Variants in HERC1 observed in about 807,000 individuals in gnomAD.
HERC1 encodes the protein HECT and RLD domain containing E3 ubiquitin protein ligase family member 1.
HERC1 carries 160 observed loss-of-function variants against 554.3 expected under a neutral mutation model. The ratio of observed to expected loss-of-function variants is 0.29; its 90% CI spans 0.25 to 0.33. The LOEUF is 0.33. Ranked by LOEUF, HERC1 falls within the 10% of genes least tolerant of loss-of-function variation. HERC1 has a pLI of 1.00. For synonymous variants in HERC1, 2,175 were observed against 2,131.7 expected, an observed-to-expected ratio of 1.02 and a Z score of -0.56; for missense variants, 4,919 against 5,918.5, an observed-to-expected ratio of 0.83 and a Z score of 5.54.
At chr15:63,826,814 A>AATATATATAT (rs1555454978) in intron 1 of HERC1, among the ~76,000 whole-genome samples, 19 of 22,254 alleles carry the variant, frequency 8.5e-4, no homozygotes, top group South Asian at 1.8e-3. Flanking sequence ...AAAAAAAAAA[A>AATATATATAT]ATATATATAT....
Position 63,680,792 on chromosome 15 carries a change from G to A in HERC1, c.6226-16C>T. On this transcript the variant is annotated splice_polypyrimidine_tract_variant and intron_variant, in intron 34 of 77. Transcript: ENST00000443617. The surrounding 1 kb of genome is among the most constrained non-coding windows in gnomAD (Gnocchi z 5.8). The stretch of plus-strand genomic sequence containing the variant: ...CAATATAAAACTAAAATAAAAGTGG[G>A]ATATTCATTAATACTCAAAAAATCT... 1 of 1,581,456 alleles carries A rather than the reference G, an allele frequency of 6.3e-7. No homozygotes were observed. Among genetic ancestry groups the A allele is most frequent in the South Asian group, 1.1e-5 (1 of 90,326 alleles).
intron 19 of HERC1, among the ~76,000 whole-genome samples, chr15:63,721,507 T>C (rs893280027): frequency 6.6e-6 from 1 of 151,826 alleles, no homozygotes; most frequent in African/African-American, 2.4e-5. Context: ...GCCTGGACGA[T>C]AAGAGGAGAC....
intron 2 of HERC1, among the ~76,000 whole-genome samples, chr15:63,764,944 G>C (rs1472332102): frequency 6.6e-6 from 1 of 152,164 alleles, no homozygotes; most frequent in Non-Finnish European, 1.5e-5. Context: ...GTCTTGCTCT[G>C]TTGCCAAGGC....
At chr15:63,776,978 T>C (rs2076136322) in intron 1 of HERC1, among the ~76,000 whole-genome samples, 2 of 152,188 alleles carry the variant, frequency 1.3e-5, no homozygotes, top group South Asian at 2.1e-4. Flanking sequence ...ATAAGATGCA[T>C]TGACATATAT....
chr15:63,824,368 C>T (rs142272241), intron 1 of HERC1, among the ~76,000 whole-genome samples: 1 of 151,882 alleles, frequency 6.6e-6, no homozygotes, highest in Non-Finnish European at 1.5e-5. Context: ...CCCATCTCTA[C>T]TAAAAATACA....
intron 76 of HERC1, among the ~76,000 whole-genome samples, chr15:63,615,188 G>C (rs2067761529): frequency 6.6e-6 from 1 of 152,192 alleles, no homozygotes; most frequent in Non-Finnish European, 1.5e-5. Flanking sequence ...GGAGGAGTAA[G>C]AAGGCAAGGT....
At chr15:63,721,194 G>C (rs937147385) in intron 19 of HERC1, among the ~76,000 whole-genome samples, 4 of 152,176 alleles carry the variant, frequency 2.6e-5, no homozygotes, top group Middle Eastern at 3.4e-3. Flanking sequence ...CCTCTGGTAG[G>C]AGTCACCACA....
At chr15:63,819,422 G>A (rs183140690) in intron 1 of HERC1, among the ~76,000 whole-genome samples, 5 of 152,294 alleles carry the variant, frequency 3.3e-5, no homozygotes, top group Admixed American at 3.3e-4. Flanking sequence ...AATGTAAGTT[G>A]TTATTCTCTA....
At position 63,622,815 on chromosome 15, in the gene HERC1, C is replaced by G; in HGVS notation, c.13688G>C (p.Arg4563Thr). The G allele has an allele frequency of 6.3e-7, 1 of 1,598,346 alleles. No individual in the cohort carries two copies. Among genetic ancestry groups the G allele is most frequent in the Non-Finnish European group, 8.5e-7 (1 of 1,172,292 alleles). ...AATGAACACTTGCTGACTGCCATAC[C>G]TGTCCCTATTGTAACCCACTTCTGC... ...ATAEVGYNRD[R>T]FLFNPSACLD... Residue 4563 changes from arginine (R) to threonine (T), a missense_variant and splice_region_variant, in exon 74 of 78, where the codon AGG (arginine) becomes ACG (threonine). This residue lies in a region of HERC1 where 284 missense variants were observed against 294.1 expected (regional missense o/e 0.97). Transcript: ENST00000443617.
At chr15:63,708,841 C>G (rs1425726884) in intron 24 of HERC1, among the ~76,000 whole-genome samples, 1 of 152,210 alleles carries the variant, frequency 6.6e-6, no homozygotes. Flanking sequence ...GCTTGCTCCT[C>G]TTCATCCACC....
At chr15:63,690,737 A>G (rs1471171553) in intron 31 of HERC1, 90 bp from the exon 32 acceptor site, 1 of 764,758 alleles carries the variant, frequency 1.3e-6, no homozygotes, top group Non-Finnish European at 2.3e-6. Flanking sequence ...TGAGGCTGCT[A>G]AACATTTATG....
chr15:63,674,603 C>T lies in HERC1; in HGVS notation c.7585G>A (p.Ala2529Thr). 1.2e-6 allele frequency: 2 copies of T among 1,612,848 alleles called. No individual in the cohort carries two copies. The highest frequency in any genetic ancestry group is 8.5e-7 in the Non-Finnish European group (1 of 1,179,316). Reference sequence around the variant, plus strand: ...ACTTTTGGTATCAGCAACAGCTCAGCATATTTACTACAGCCAAGAAGGGCA... The same window carrying T: ...ACTTTTGGTATCAGCAACAGCTCAGTATATTTACTACAGCCAAGAAGGGCA... ...LSALLGCSKYAELLLIPKVLA... is the reference protein window; with the variant it reads ...LSALLGCSKYTELLLIPKVLA... The change falls in exon 38 of 78, where the codon GCT becomes ACT. Residue 2529 changes from alanine to threonine, a missense_variant. By Grantham distance (58) the Ala-to-Thr change is moderately conservative (BLOSUM62 0). Transcript: ENST00000443617.
chr15:63,642,303 C>T (rs2069106532), intron 59 of HERC1, among the ~76,000 whole-genome samples: 1 of 152,148 alleles, frequency 6.6e-6, no homozygotes, highest in South Asian at 2.1e-4. Context: ...AATGTCTTTG[C>T]AATGCTTCTC....
chr15:63,805,548 G>A (rs1404259260), intron 1 of HERC1, among the ~76,000 whole-genome samples: 1 of 152,182 alleles, frequency 6.6e-6, no homozygotes, highest in African/African-American at 2.4e-5. Context: ...GAGACTATAT[G>A]ATGATTGTGG....
At chr15:63,812,743 C>T (rs902832849) in intron 1 of HERC1, among the ~76,000 whole-genome samples, 8 of 151,342 alleles carry the variant, frequency 5.3e-5, no homozygotes, top group South Asian at 2.1e-4. Context: ...TTTAACAAAA[C>T]GAACAGGATC....
At chr15:63,613,866 A>T (rs1230228587) in intron 76 of HERC1, among the ~76,000 whole-genome samples, 1 of 152,180 alleles carries the variant, frequency 6.6e-6, no homozygotes, top group Non-Finnish European at 1.5e-5. Flanking sequence ...GTTGTCCCAT[A>T]AGGATCAGAG....
At chr15:63,644,464 C>T (rs888592528) in intron 57 of HERC1, among the ~76,000 whole-genome samples, 8 of 151,954 alleles carry the variant, frequency 5.3e-5, no homozygotes, top group African/African-American at 1.9e-4. Flanking sequence ...TGACAATCAG[C>T]TGTGTGCCTT....
chr15:63,771,055 A>G (rs530413960), intron 2 of HERC1, among the ~76,000 whole-genome samples: 63 of 152,062 alleles, frequency 4.1e-4, no homozygotes, highest in African/African-American at 1.2e-3. Context: ...CAGGCATGAT[A>G]GCAAGTGCCT....
intron 1 of HERC1, among the ~76,000 whole-genome samples, chr15:63,789,301 G>A (rs1373401793): frequency 6.0e-5 from 9 of 149,446 alleles, no homozygotes; most frequent in Non-Finnish European, 8.9e-5. Context: ...CGTTTTAGCC[G>A]GGATGGTCTC....
Sources: allele counts gnomAD v4.1 joint callset (sites outside exome capture counted in the v4.1 genomes callset), GRCh38; gene constraint gnomAD v4.1.1; regional missense constraint gnomAD v4.1.1; non-coding constraint Gnocchi (gnomAD v3.1); transcripts MANE v1.5; gene names NCBI Gene and HGNC (gene_info 2026-07-23, HGNC 2026-07-21).